Variants in KIF13A observed in about 807,000 individuals in gnomAD.
KIF13A encodes the protein kinesin-like protein KIF13A.
KIF13A carries 79 observed loss-of-function variants against 212.2 expected under a neutral mutation model. The ratio of observed to expected loss-of-function variants is 0.37; its 90% confidence interval spans 0.31 to 0.45. KIF13A has a LOEUF of 0.45. Among genes scored for constraint, KIF13A ranks in the 20% least tolerant of loss-of-function variants. The pLI is 1.00. For synonymous variants in KIF13A, 789 were observed against 808.6 expected (o/e 0.98, Z 0.41); for missense variants, 1,901 against 2,209.0 (o/e 0.86, Z 2.79).
chr6:17,804,322 T>G lies in KIF13A; in HGVS notation c.2454+39A>C, dbSNP rs372452403. 4.1e-6 allele frequency: 6 copies of G among 1,457,846 alleles called. No individual in the cohort carries two copies. The African/African-American group carries it at 8.6e-5, about 21-fold the overall frequency. 90.3% of individuals were successfully genotyped at this position (1,457,846 alleles called of 1,614,324 possible). On this transcript the variant is annotated intron_variant, in intron 20 of 38. Coordinates refer to ENST00000259711, the MANE Select transcript of KIF13A (RefSeq NM_022113.6). ...AACAAAATAAAACAAAACAAAAAACTTGAACCACCATCGTTCTCCAAGGCT... is the reference window on the plus strand; with the variant it reads ...AACAAAATAAAACAAAACAAAAAACGTGAACCACCATCGTTCTCCAAGGCT...
In KIF13A at chr6:17,808,032, G is replaced by A. The variant is rs187860840; in HGVS notation, c.2163+736C>T. ...CTCCCAGACGCTTGCAAAGAGAGCC[G>A]TGTATTTGAAGTCAGGTATCATGAA... On this transcript the variant is annotated intron_variant, in intron 18 of 38. Coordinates refer to ENST00000259711, the MANE Select transcript of KIF13A (RefSeq NM_022113.6). Among the ~76,000 whole-genome samples the A allele has an allele frequency of 1.9e-3, 287 of 152,292 alleles. 1 individual carries two copies. Among genetic ancestry groups the A allele is most frequent in the Admixed American group, 2.7e-3 (41 of 15,292 alleles).
At chr6:17,852,236 G>A (rs1220354273) in intron 6 of KIF13A, among the ~76,000 whole-genome samples, 194 bp from the exon 7 acceptor site, 2 of 152,122 alleles carry the variant, frequency 1.3e-5, no homozygotes, top group African/African-American at 2.4e-5. Flanking sequence ...TTTATGCTCT[G>A]ATTTCTATTT....
chr6:17,901,444 A>G (rs1176774345), intron 2 of KIF13A, among the ~76,000 whole-genome samples: 1 of 152,218 alleles, frequency 6.6e-6, no homozygotes, highest in Non-Finnish European at 1.5e-5. Flanking sequence ...GATTGCTTCA[A>G]GGTCCTGGGT....
chr6:17,850,341 A>C lies in KIF13A; in HGVS notation c.699T>G (p.Leu233=). ...AVFNIIITQT[L]YDLQSGNSGE... ...CCCTTACCCCAGACTGCAGGTCATAAAGTGTCTGTGTGATTATGATGTTGA... is the reference window on the plus strand; with the variant it reads ...CCCTTACCCCAGACTGCAGGTCATACAGTGTCTGTGTGATTATGATGTTGA... Residue 233 remains leucine (L), a synonymous_variant, in exon 8 of 39, where the codon CTT becomes CTG. Transcript: ENST00000259711. This position sits in a 1 kb window ranked among gnomAD's most constrained non-coding sequence, Gnocchi z 6.2. 1 of 1,613,534 alleles carries C rather than the reference A, an allele frequency of 6.2e-7. No homozygotes were observed. The highest frequency in any genetic ancestry group is 8.5e-7 in the Non-Finnish European group (1 of 1,179,666).
At chr6:17,760,819 AC>A, downstream of KIF13A, 2 of 1,610,660 alleles carry the variant, frequency 1.2e-6, no homozygotes, top group African/African-American at 2.7e-5. Flanking sequence ...GCGAACAAAG[AC>A]GCCAAGCTGT....
rs1772650990 is a variant in KIF13A at position 17,897,207 on chromosome 6, G to C, written c.159+961C>G. 1.3e-5 allele frequency among the ~76,000 whole-genome samples: 2 copies of C among 152,140 alleles called. No individual in the cohort carries two copies. Among genetic ancestry groups the C allele is most frequent in the Non-Finnish European group, 2.9e-5 (2 of 68,040 alleles). On this transcript the variant is annotated intron_variant, in intron 3 of 38. Coordinates refer to ENST00000259711, the MANE Select transcript of KIF13A (RefSeq NM_022113.6). The surrounding 1 kb of genome is among the most constrained non-coding windows in gnomAD (Gnocchi z 4.8). ...TGGGTTTCCATAATCCAAGAGCTAA[G>C]ATGGATTGTTCTTCATAACCCCAGG...
At chr6:17,867,926 A>C (rs1023770969) in intron 4 of KIF13A, among the ~76,000 whole-genome samples, 9 of 152,364 alleles carry the variant, frequency 5.9e-5, no homozygotes, top group African/African-American at 1.9e-4. Context: ...CATGATGGGA[A>C]CAGAATCAAA....
chr6:17,865,392 G>T (rs1769262533), intron 4 of KIF13A, among the ~76,000 whole-genome samples: 1 of 152,106 alleles, frequency 6.6e-6, no homozygotes, highest in Non-Finnish European at 1.5e-5. Context: ...ACTCATTTGT[G>T]AGGGTGTTTT....
In KIF13A at chr6:17,951,305, A is replaced by G; in HGVS notation, c.146+35749T>C. 1.7e-6 allele frequency: 1 copy of G among 604,232 alleles called. No individual in the cohort carries two copies. The highest frequency in any genetic ancestry group is 2.9e-6 in the Non-Finnish European group (1 of 342,224). The allele number at this position is 604,232 out of a possible 1,614,324, so 37.4% of individuals were successfully genotyped here. A position where few individuals can be genotyped will look rare whatever the true frequency, so the allele number is the denominator to read the frequency against. ...ACCACGTCCAGCTAATTTTAAACAA[A>G]TTTTTTGTAGAGATGGGGTTTTGCC... is the stretch of plus-strand genomic sequence containing the variant. On this transcript the variant is annotated intron_variant, in intron 2 of 38. Coordinates refer to ENST00000259711, the MANE Select transcript of KIF13A (RefSeq NM_022113.6). The surrounding 1 kb of genome is among the most constrained non-coding windows in gnomAD (Gnocchi z 4.9).
rs565592974 is a variant in KIF13A, at chr6:17,966,006, C to A, written c.146+21048G>T. Among the ~76,000 whole-genome samples the A allele has an allele frequency of 4.9e-4, 74 of 152,166 alleles. 1 individual carries two copies. The highest frequency in any genetic ancestry group is 6.8e-3 in the Middle Eastern group (2 of 294). On this transcript the variant is annotated intron_variant, in intron 2 of 38. Coordinates refer to ENST00000259711, the MANE Select transcript of KIF13A (RefSeq NM_022113.6). ...GTCAGGAGTTTGAGACCAGCCTGGC[C>A]AATATGGCAAAACCCCATCTCTACT...
chr6:17,845,809 G>A (rs1484455097), intron 9 of KIF13A, among the ~76,000 whole-genome samples: 1 of 152,172 alleles, frequency 6.6e-6, no homozygotes, highest in Non-Finnish European at 1.5e-5. Flanking sequence ...AGGCCACGCA[G>A]TGTCTTAATT....
In KIF13A at chr6:17,962,769, C is replaced by T. The variant is rs555239855; in HGVS notation, c.146+24285G>A. 5.7e-4 allele frequency among the ~76,000 whole-genome samples: 86 copies of T among 149,568 alleles called. No homozygotes were observed. The South Asian group carries it at 9.7e-3, about 17-fold the overall frequency. On this transcript the variant is annotated intron_variant, in intron 2 of 38. Coordinates refer to ENST00000259711, the MANE Select transcript of KIF13A (RefSeq NM_022113.6). ...TCTCCCTTTCCTCTGAGCTTCCATA[C>T]ATTGGAGGTGTAACACAGCCAATCT... is the stretch of plus-strand genomic sequence containing the variant.
intron 12 of KIF13A, among the ~76,000 whole-genome samples, chr6:17,831,679 T>C (rs75560369): frequency 0.026 from 3,925 of 148,388 alleles, 75 homozygotes; most frequent in Non-Finnish European, 0.04. Context: ...TCTTGGGGCA[T>C]GGCATACGGA....
chr6:17,884,753 T>C (rs1341382733), intron 3 of KIF13A, among the ~76,000 whole-genome samples: 1 of 152,204 alleles, frequency 6.6e-6, no homozygotes, highest in Non-Finnish European at 1.5e-5. Context: ...CCTCTCTTTG[T>C]ACAATTAATC....
At chr6:17,854,979 A>G (rs1768012296) in intron 6 of KIF13A, among the ~76,000 whole-genome samples, 2 of 152,216 alleles carry the variant, frequency 1.3e-5, no homozygotes, top group Non-Finnish European at 2.9e-5. Context: ...TACTGAATAC[A>G]GTCTCTATGG....
chr6:17,852,144 T>TC, intron 6 of KIF13A, 102 bp from the exon 7 acceptor site: 1 of 509,512 alleles, frequency 2.0e-6, no homozygotes, highest in Non-Finnish European at 3.3e-6. Flanking sequence ...TCAAAAGAAT[T>TC]TTTAAATGAC....
chr6:17,817,003 C>T lies in KIF13A; in HGVS notation c.2000+17G>A, dbSNP rs774586139. 1.3e-5 allele frequency: 20 copies of T among 1,594,892 alleles called. No homozygotes were observed. The highest frequency in any genetic ancestry group is 9.4e-5 in the African/African-American group (7 of 74,664). On this transcript the variant is annotated intron_variant, in intron 17 of 38. Transcript: ENST00000259711. ...CTTGGGGCCTTGACTCTGGGCTGCC[C>T]CCGCTGCAGTTCTTACCTCTCTTCT...
intron 2 of KIF13A, among the ~76,000 whole-genome samples, chr6:17,902,281 T>C (rs1212717356): frequency 6.6e-6 from 1 of 152,206 alleles, no homozygotes; most frequent in African/African-American, 2.4e-5. Flanking sequence ...CTCCCCTTCA[T>C]TCTCCAAAAC....
At chr6:17,848,784 A>C (rs1295506484) in intron 9 of KIF13A, among the ~76,000 whole-genome samples, 1 of 151,828 alleles carries the variant, frequency 6.6e-6, no homozygotes, top group Non-Finnish European at 1.5e-5. Context: ...CGGGGTAGAG[A>C]CCAGGTAGAG....
Sources: allele counts gnomAD v4.1 joint callset (sites outside exome capture counted in the v4.1 genomes callset), GRCh38; gene constraint gnomAD v4.1.1; non-coding constraint Gnocchi (gnomAD v3.1); transcripts MANE v1.5; gene names NCBI Gene and HGNC (gene_info 2026-07-23, HGNC 2026-07-21).